The following MRPS14 variants were observed in gnomAD, a reference collection of about 807,000 sequenced individuals.
MRPS14 encodes the protein small ribosomal subunit protein uS14m.
A neutral mutation model predicts 16.4 loss-of-function variants in MRPS14; 14 were observed. That is an observed-to-expected ratio of 0.85 (90% CI 0.56 to 1.33). The LOEUF is 1.33. Among genes scored for constraint, MRPS14 ranks in the 40% most tolerant of loss-of-function variants. The probability of loss-of-function intolerance (pLI) is 0.00; values close to 1 mark genes in which losing one functional copy is unlikely to be tolerated. For missense variants in MRPS14, 162 were observed against 176.8 expected (o/e 0.92, Z 0.48); for synonymous variants, 54 against 61.9 (o/e 0.87, Z 0.60).
At chr1:175,023,069 G>A (rs563674827) in intron 1 of MRPS14, among the ~76,000 whole-genome samples, 11 of 152,136 alleles carry the variant, frequency 7.2e-5, no homozygotes, top group African/African-American at 2.4e-4. Flanking sequence ...ATCTCTTAAC[G>A]TTACAAGTCT....
intron 2 of MRPS14, among the ~76,000 whole-genome samples, chr1:175,016,545 C>G (rs1377498800): frequency 6.6e-6 from 1 of 152,160 alleles, no homozygotes; most frequent in African/African-American, 2.4e-5. Context: ...GAACCATGAT[C>G]AGTTTACATG....
intron 2 of MRPS14, among the ~76,000 whole-genome samples, chr1:175,016,385 C>T (rs1197092433): frequency 6.6e-6 from 1 of 151,864 alleles, no homozygotes; most frequent in East Asian, 1.9e-4. Flanking sequence ...TCTTGTTCCC[C>T]GAAAGATTTA....
intron 1 of MRPS14, among the ~76,000 whole-genome samples, chr1:175,021,944 T>A (rs1003221601): frequency 4.6e-5 from 7 of 151,492 alleles, no homozygotes; most frequent in African/African-American, 1.7e-4. Flanking sequence ...CCTCCTGTTA[T>A]CAGAGATCCA....
chr1:175,014,703 C>T lies in MRPS14; in HGVS notation c.353G>A (p.Gly118Glu). The stretch of plus-strand genomic sequence containing the variant: ...CGCTCGCTGGATCCCAGAAAGTTGC[C>T]CATGGTCAGCTAAGTGACGGAAGAC... ...RIVFRHLADH[G>E]QLSGIQRATW The change falls in exon 3 of 3, where the codon GGG becomes GAG. Residue 118 changes from glycine (G) to glutamate (E), a missense_variant. Transcript: ENST00000476371. 6.2e-7 allele frequency: 1 copy of T among 1,613,124 alleles called. No homozygotes were observed. The highest frequency in any genetic ancestry group is 8.5e-7 in the Non-Finnish European group (1 of 1,179,626).
At chr1:175,016,212 A>C (rs1399431562) in intron 2 of MRPS14, among the ~76,000 whole-genome samples, 4 of 152,196 alleles carry the variant, frequency 2.6e-5, no homozygotes, top group African/African-American at 7.2e-5. Context: ...AAAAAACAAA[A>C]AAAAACCATG....
chr1:175,014,907 G>T lies in MRPS14; in HGVS notation c.205-56C>A, dbSNP rs116095910. On this transcript the variant is annotated intron_variant, in intron 2 of 2. Coordinates refer to ENST00000476371, the MANE Select transcript of MRPS14 (RefSeq NM_022100.3). Reference sequence around the variant, plus strand: ...CATTACATTGTTGCACATGTATTTTGCTCCTTCTCACTTGCAGGTAATTTT... The same window carrying T: ...CATTACATTGTTGCACATGTATTTTTCTCCTTCTCACTTGCAGGTAATTTT... 2,580 of 1,488,628 alleles carry T rather than the reference G, an allele frequency of 1.7e-3. 34 individuals carry two copies. The African/African-American group carries it at 0.033, about 19-fold the overall frequency. The allele number at this position is 1,488,628 out of a possible 1,614,324, so 92.2% of individuals were successfully genotyped here.
intron 1 of MRPS14, among the ~76,000 whole-genome samples, chr1:175,018,901 G>A (rs1303289698): frequency 6.6e-6 from 1 of 152,056 alleles, no homozygotes; most frequent in Non-Finnish European, 1.5e-5. Flanking sequence ...AATCAAAAAG[G>A]TATAAGAAGA....
intron 2 of MRPS14, among the ~76,000 whole-genome samples, chr1:175,015,963 C>T (rs1429087326): frequency 2.0e-5 from 3 of 152,138 alleles, no homozygotes; most frequent in African/African-American, 2.4e-5. Context: ...TTTGGGACGC[C>T]GAGGCAGGCG....
chr1:175,013,305 C>T lies in MRPS14; in HGVS notation c.*1364G>A, dbSNP rs781451557. 5.9e-5 allele frequency: 9 copies of T among 152,240 alleles called. No homozygotes were observed. Among genetic ancestry groups the T allele is most frequent in the Non-Finnish European group, 1.2e-4 (8 of 68,056 alleles). 9.4% of individuals were successfully genotyped at this position (152,240 alleles called of 1,614,324 possible). On this transcript the variant is annotated 3_prime_UTR_variant, in exon 3 of 3. Coordinates refer to ENST00000476371, the MANE Select transcript of MRPS14 (RefSeq NM_022100.3). Reference sequence around the variant, plus strand: ...ATGACTGGAACCTGAACTCGCTTATCTTCTGTTTCCCCTAAATTTGTTCTT... The same window carrying T: ...ATGACTGGAACCTGAACTCGCTTATTTTCTGTTTCCCCTAAATTTGTTCTT...
chr1:175,023,122 C>A, intron 1 of MRPS14: 1 of 930,618 alleles, frequency 1.1e-6, no homozygotes, highest in South Asian at 1.8e-5. Flanking sequence ...TCTGCTTACT[C>A]CCTTACAAAT....
At chr1:175,014,938 CTTTTTT>C (rs1171275241) in intron 2 of MRPS14, 87 bp from the exon 3 acceptor site, 4 of 625,992 alleles carry the variant, frequency 6.4e-6, no homozygotes, top group South Asian at 4.8e-5. Flanking sequence ...ATTTTCTTTT[CTTTTTT>C]TTTTTTTTTT....
intron 1 of MRPS14, chr1:175,022,474 T>C (rs1672997092): frequency 6.6e-6 from 1 of 151,340 alleles, no homozygotes; most frequent in Non-Finnish European, 1.5e-5. Flanking sequence ...ATGTTTTTGG[T>C]TTTTTTAGGG....
chr1:175,013,323 T>C lies in MRPS14; in HGVS notation c.*1346A>G, dbSNP rs2149413586. The C allele has an allele frequency of 1.3e-5, 2 of 152,318 alleles. No individual in the cohort carries two copies. Among genetic ancestry groups the C allele is most frequent in the South Asian group, 4.1e-4 (2 of 4,822 alleles). 9.4% of individuals were successfully genotyped at this position (152,318 alleles called of 1,614,324 possible). The stretch of plus-strand genomic sequence containing the variant: ...CGCTTATCTTCTGTTTCCCCTAAAT[T>C]TGTTCTTTTTCCAAATTTTCTATCT... On this transcript the variant is annotated 3_prime_UTR_variant, in exon 3 of 3. Transcript: ENST00000476371.
chr1:175,015,392 C>G (rs1230417218), intron 2 of MRPS14, among the ~76,000 whole-genome samples: 1 of 152,144 alleles, frequency 6.6e-6, no homozygotes, highest in African/African-American at 2.4e-5. Context: ...GAATGTATTT[C>G]TGTTGCCGCC....
chr1:175,023,184 C>T (rs2149416098), intron 1 of MRPS14, 180 bp downstream of exon 1: 2 of 1,469,464 alleles, frequency 1.4e-6, no homozygotes, highest in Non-Finnish European at 1.8e-6. Flanking sequence ...CTTACGAAAA[C>T]CAAATTGACA....
In MRPS14 at chr1:175,014,382, A is replaced by T. The variant is rs1672840711; in HGVS notation, c.*287T>A. 2 of 412,092 alleles carry T rather than the reference A, an allele frequency of 4.9e-6. No homozygotes were observed. The highest frequency in any genetic ancestry group is 8.5e-6 in the Non-Finnish European group (2 of 234,900). 25.5% of individuals were successfully genotyped at this position (412,092 alleles called of 1,614,324 possible). On this transcript the variant is annotated 3_prime_UTR_variant, in exon 3 of 3. Coordinates refer to ENST00000476371, the MANE Select transcript of MRPS14 (RefSeq NM_022100.3). ...CCCCTATATGTTACTAAAAGATTAA[A>T]CTTAAAAGGAGGGTATAAAAAACAT...
intron 1 of MRPS14, 34 bp downstream of exon 1, chr1:175,023,330 G>A: frequency 1.2e-6 from 2 of 1,611,498 alleles, no homozygotes; most frequent in Non-Finnish European, 1.7e-6. Flanking sequence ...TCAGCGGTGA[G>A]GGGTAGCGGT....
chr1:175,017,659 C>A (rs1672907315), intron 2 of MRPS14, among the ~76,000 whole-genome samples: 1 of 152,104 alleles, frequency 6.6e-6, no homozygotes, highest in Non-Finnish European at 1.5e-5. Flanking sequence ...GAAAGCCAAG[C>A]AGGGTGACAA....
At chr1:175,014,967 C>T (rs527834116) in intron 2 of MRPS14, 116 bp from the exon 3 acceptor site, 140 of 978,262 alleles carry the variant, frequency 1.4e-4, no homozygotes, top group Non-Finnish European at 2.0e-4. Context: ...GACAGAGTCT[C>T]GCTCTGTCAC....
Sources: gnomAD v4.1 joint callset for allele counts (sites outside exome capture counted in the v4.1 genomes callset) on GRCh38, gnomAD v4.1.1 for gene constraint, MANE v1.5 for transcripts, NCBI Gene and HGNC (gene_info 2026-07-23, HGNC 2026-07-21) for gene names.